CTNND2: variants seen among roughly 807,000 people sequenced by gnomAD.
CTNND2 encodes catenin delta 2, also known as catenin delta-2.
Under a neutral mutation model 144.4 loss-of-function variants are expected in CTNND2, and 22 were observed. The ratio of observed to expected loss-of-function variants is 0.15; its 90% CI spans 0.11 to 0.22. The LOEUF is 0.22. Ranked by LOEUF, CTNND2 falls within the 10% of genes least tolerant of loss-of-function variation. The probability of loss-of-function intolerance (pLI) is 1.00; values close to 1 mark genes in which losing one functional copy is unlikely to be tolerated. For synonymous variants in CTNND2, 751 were observed against 695.6 expected (o/e 1.08, Z -1.25); for missense variants, 1,353 against 1,618.8 (o/e 0.84, Z 2.82).
chr5:11,125,878 C>G (rs1348152047), intron 12 of CTNND2, among the ~76,000 whole-genome samples: 1 of 152,208 alleles, frequency 6.6e-6, no homozygotes, highest in Non-Finnish European at 1.5e-5. Context: ...ATTAATGAAC[C>G]ATGTAGGTAA....
At chr5:11,889,437 G>A (rs1271363592) in intron 1 of CTNND2, among the ~76,000 whole-genome samples, 4 of 152,206 alleles carry the variant, frequency 2.6e-5, no homozygotes, top group East Asian at 1.9e-4. Flanking sequence ...TAGTGTTTGA[G>A]TGGGTAGCCA....
At chr5:11,410,895 G>A (rs534270310) in intron 5 of CTNND2, among the ~76,000 whole-genome samples, 5 of 149,178 alleles carry the variant, frequency 3.4e-5, no homozygotes, top group South Asian at 2.1e-4. Context: ...TTTTTAAGAC[G>A]GAGTCTCCTT....
chr5:11,211,669 A>T (rs140760394), intron 10 of CTNND2, among the ~76,000 whole-genome samples: 1 of 152,356 alleles, frequency 6.6e-6, no homozygotes, highest in African/African-American at 2.4e-5. Context: ...CCTTCATTTA[A>T]ATTTCTATGT....
Position 11,236,551 on chromosome 5 carries a change from C to T in CTNND2, c.1761+140G>A, listed in dbSNP as rs558099746. 11 of 930,926 alleles carry T rather than the reference C, an allele frequency of 1.2e-5. No individual in the cohort carries two copies. In the South Asian group the frequency reaches 1.4e-4, roughly 11 times the overall value. 57.7% of individuals were successfully genotyped at this position (930,926 alleles called of 1,614,324 possible). ...ATGCTAATCAATTAGATGAAACATGCTATGTTCTAGTCATAAATATAGATC... is the reference window on the plus strand; with the variant it reads ...ATGCTAATCAATTAGATGAAACATGTTATGTTCTAGTCATAAATATAGATC... On this transcript the variant is annotated intron_variant, in intron 10 of 21. Transcript: ENST00000304623.
intron 9 of CTNND2, among the ~76,000 whole-genome samples, chr5:11,304,891 GA>G (rs748898345): frequency 6.6e-6 from 1 of 152,222 alleles, no homozygotes; most frequent in Non-Finnish European, 1.5e-5. Flanking sequence ...ATGCGGAAAA[GA>G]ACCGAGTTTA....
At chr5:11,758,195 T>C (rs1035191131) in intron 1 of CTNND2, among the ~76,000 whole-genome samples, 1 of 151,986 alleles carries the variant, frequency 6.6e-6, no homozygotes, top group Non-Finnish European at 1.5e-5. Context: ...TAATTCCCTA[T>C]GATACCAATA....
chr5:11,062,854 A>G (rs751589193), intron 16 of CTNND2, among the ~76,000 whole-genome samples: 2 of 152,216 alleles, frequency 1.3e-5, no homozygotes, highest in African/African-American at 2.4e-5. Context: ...TTGTTTTACA[A>G]AACCAGGTCA....
rs1003333677 is a variant in CTNND2, at chr5:11,794,224, C to G, written c.38-61952G>C. Among the ~76,000 whole-genome samples, 32 of 152,238 alleles carry G rather than the reference C, an allele frequency of 2.1e-4. 1 individual carries two copies. Among genetic ancestry groups the G allele is most frequent in the Non-Finnish European group, 2.8e-4 (19 of 68,046 alleles). ...CTGGAAGAGGGATGAGTAAATGGCA[C>G]CAACTGGCATCCTCAAAGTTACTAA... is the stretch of plus-strand genomic sequence containing the variant. On this transcript the variant is annotated intron_variant, in intron 1 of 21. Coordinates refer to ENST00000304623, the MANE Select transcript of CTNND2 (RefSeq NM_001332.4).
rs539006578 is a variant in CTNND2 at position 11,583,136 on chromosome 5, G to A, written c.175-18080C>T. Among the ~76,000 whole-genome samples, 20 of 152,312 alleles carry A rather than the reference G, an allele frequency of 1.3e-4. 1 individual carries two copies. The highest frequency in any genetic ancestry group is 6.2e-4 in the South Asian group (3 of 4,826). On this transcript the variant is annotated intron_variant, in intron 2 of 21. Coordinates refer to ENST00000304623, the MANE Select transcript of CTNND2 (RefSeq NM_001332.4). ...CTCACTTGCCCTCCTTAGGATGGGC[G>A]TAGCCTCTATGCAGCCACAATGCAA...
chr5:11,835,817 T>A (rs1794147064), intron 1 of CTNND2, among the ~76,000 whole-genome samples: 1 of 152,310 alleles, frequency 6.6e-6, no homozygotes, highest in East Asian at 1.9e-4. Context: ...ATTTCTACTA[T>A]TGTCTTTCTT....
chr5:11,225,000 A>C (rs906538775), intron 10 of CTNND2, among the ~76,000 whole-genome samples: 3 of 152,120 alleles, frequency 2.0e-5, no homozygotes, highest in African/African-American at 7.2e-5. Flanking sequence ...GTGATATATG[A>C]AATGGTGTCT....
intron 11 of CTNND2, 121 bp from the exon 12 acceptor site, chr5:11,159,880 TC>T: frequency 1.4e-6 from 1 of 695,570 alleles, no homozygotes; most frequent in Non-Finnish European, 2.3e-6. Flanking sequence ...TGGACACACA[TC>T]CTAGAGTGTG....
chr5:11,785,599 A>T (rs527562319), intron 1 of CTNND2, among the ~76,000 whole-genome samples: 1 of 152,310 alleles, frequency 6.6e-6, no homozygotes, highest in South Asian at 2.1e-4. Flanking sequence ...TGTGGGAAAA[A>T]AGGAAAGTGT....
chr5:11,529,209 T>C (rs1440790979), intron 3 of CTNND2, among the ~76,000 whole-genome samples: 1 of 152,170 alleles, frequency 6.6e-6, no homozygotes, highest in South Asian at 2.1e-4. Context: ...TGCCTCCTAC[T>C]TAGCATAATG....
At chr5:11,697,903 T>C (rs1424731848) in intron 2 of CTNND2, among the ~76,000 whole-genome samples, 2 of 152,174 alleles carry the variant, frequency 1.3e-5, no homozygotes, top group East Asian at 3.9e-4. Context: ...TAACACCCTA[T>C]GTCTGGGAGG....
intron 7 of CTNND2, among the ~76,000 whole-genome samples, chr5:11,374,544 T>C (rs1435488270): frequency 1.3e-5 from 2 of 152,142 alleles, no homozygotes; most frequent in Non-Finnish European, 1.5e-5. Flanking sequence ...ATTTTATTCA[T>C]TAGTGACTTA....
At chr5:11,454,691 G>A (rs1765585909) in intron 3 of CTNND2, among the ~76,000 whole-genome samples, 1 of 151,642 alleles carries the variant, frequency 6.6e-6, no homozygotes, top group Admixed American at 6.6e-5. Context: ...CCACCTCCTG[G>A]TTTCAAGCAA....
At chr5:11,815,134 A>C (rs556926152) in intron 1 of CTNND2, among the ~76,000 whole-genome samples, 1 of 152,302 alleles carries the variant, frequency 6.6e-6, no homozygotes, top group African/African-American at 2.4e-5. Flanking sequence ...GATATCACTA[A>C]GAGGTAATAT....
At chr5:11,503,466 C>A (rs1333070235) in intron 3 of CTNND2, among the ~76,000 whole-genome samples, 1 of 152,242 alleles carries the variant, frequency 6.6e-6, no homozygotes, top group African/African-American at 2.4e-5. Context: ...ATTATTTAAA[C>A]TTCTGCTTTC....
Sources: gnomAD v4.1 joint callset for allele counts (sites outside exome capture counted in the v4.1 genomes callset) on GRCh38, gnomAD v4.1.1 for gene constraint, MANE v1.5 for transcripts, NCBI Gene and HGNC (gene_info 2026-07-23, HGNC 2026-07-21) for gene names.